Variants in PXDNL observed in about 807,000 individuals in gnomAD.
PXDNL encodes probable oxidoreductase PXDNL.
In PXDNL, 145 loss-of-function variants were observed where a neutral mutation model predicts 150.8. The ratio of observed to expected loss-of-function variants is 0.96; its 90% CI spans 0.84 to 1.10. PXDNL has a LOEUF of 1.10. PXDNL is among the 50% of genes least tolerant of loss of function. The pLI, the probability that PXDNL is intolerant of heterozygous loss-of-function variation, is 0.00. For synonymous variants in PXDNL, 757 were observed against 725.7 expected (o/e 1.04, Z -0.69); for missense variants, 2,087 against 1,873.9 (o/e 1.11, Z -2.10).
intron 21 of PXDNL, among the ~76,000 whole-genome samples, chr8:51,326,284 G>A (rs913296584): frequency 6.6e-6 from 1 of 152,160 alleles, no homozygotes; most frequent in Non-Finnish European, 1.5e-5. Flanking sequence ...GATCACTTGA[G>A]GTCAGGATTT....
intron 12 of PXDNL, among the ~76,000 whole-genome samples, chr8:51,434,370 A>C (rs1156576035): frequency 6.6e-6 from 1 of 152,174 alleles, no homozygotes; most frequent in South Asian, 2.1e-4. Context: ...TTTAAATGAC[A>C]TGTCCTGGTA....
chr8:51,705,252 T>C (rs16916749), intron 1 of PXDNL, among the ~76,000 whole-genome samples: 3,658 of 152,294 alleles, frequency 0.024, 148 homozygotes, highest in African/African-American at 0.083. Flanking sequence ...CACTTCTCTA[T>C]GTCCGGGCTC....
intron 20 of PXDNL, among the ~76,000 whole-genome samples, chr8:51,344,296 CT>C (rs775859853): frequency 4.7e-4 from 71 of 150,670 alleles, no homozygotes; most frequent in Non-Finnish European, 8.4e-4. Flanking sequence ...AAAAAAAAAA[CT>C]TTTTTAGAGA....
chr8:51,423,671 T>G lies in PXDNL; in HGVS notation c.1699A>C (p.Ile567Leu). The change falls in exon 14 of 23, where the codon ATC becomes CTC. Residue 567 changes from isoleucine to leucine, a missense_variant. Transcript: ENST00000356297. The part of the protein sequence containing the change: ...FHVDDEGTLT[I>L]YDAGFPDQGR... ...TGGTCAGGGAACCCTGCGTCGTAGA[T>G]AGTCAGCGTGCCTTCATCATCCACA... 1 of 1,613,896 alleles carries G rather than the reference T, an allele frequency of 6.2e-7. No homozygotes were observed. The highest frequency in any genetic ancestry group is 8.5e-7 in the Non-Finnish European group (1 of 1,179,818).
Position 51,396,320 on chromosome 8 carries a change from G to C in PXDNL, c.3557+11747C>G, listed in dbSNP as rs192904748. Among the ~76,000 whole-genome samples, 10 of 152,348 alleles carry C rather than the reference G, an allele frequency of 6.6e-5. No individual in the cohort carries two copies. The South Asian group carries it at 1.2e-3, about 19-fold the overall frequency. On this transcript the variant is annotated intron_variant, in intron 17 of 22. Coordinates refer to ENST00000356297, the MANE Select transcript of PXDNL (RefSeq NM_144651.5). ...GGAACCATATGTGCTGCTGGATGGG[G>C]TAGTGCAGCACAGGGACGTGGGAAG...
chr8:51,323,784 T>A (rs1805396091), intron 21 of PXDNL, among the ~76,000 whole-genome samples: 1 of 151,528 alleles, frequency 6.6e-6, no homozygotes, highest in Non-Finnish European at 1.5e-5. Context: ...GGCGTAGTGG[T>A]GGGTGCCTGT....
chr8:51,633,652 AAAG>A (rs757965822), intron 2 of PXDNL, among the ~76,000 whole-genome samples: 4 of 152,052 alleles, frequency 2.6e-5, no homozygotes, highest in South Asian at 2.1e-4. Context: ...CCATCTCTAA[AAAG>A]AAGAAGAAGA....
At chr8:51,527,076 T>A (rs1458775451) in intron 4 of PXDNL, among the ~76,000 whole-genome samples, 4 of 152,240 alleles carry the variant, frequency 2.6e-5, no homozygotes, top group African/African-American at 9.6e-5. Flanking sequence ...GACTCATTTT[T>A]AAAAAGCTTT....
intron 1 of PXDNL, among the ~76,000 whole-genome samples, chr8:51,690,453 A>G (rs1411237603): frequency 2.6e-5 from 4 of 152,084 alleles, no homozygotes; most frequent in African/African-American, 9.7e-5. Context: ...GTTTACTGAG[A>G]ATGATGATTT....
At chr8:51,731,270 C>T (rs1816920263) in intron 1 of PXDNL, among the ~76,000 whole-genome samples, 1 of 152,140 alleles carries the variant, frequency 6.6e-6, no homozygotes, top group South Asian at 2.1e-4. Flanking sequence ...TTGGCCAAAA[C>T]AAAGGTGTTA....
chr8:51,465,803 C>T (rs930075088), intron 8 of PXDNL, among the ~76,000 whole-genome samples: 3 of 151,782 alleles, frequency 2.0e-5, no homozygotes, highest in African/African-American at 7.3e-5. Context: ...TTACAATAGC[C>T]ACAAAAAGAA....
At chr8:51,517,987 G>T (rs1326078408) in intron 4 of PXDNL, among the ~76,000 whole-genome samples, 1 of 152,158 alleles carries the variant, frequency 6.6e-6, no homozygotes, top group Non-Finnish European at 1.5e-5. Flanking sequence ...GGTGTAGTTA[G>T]TTCCTTAATT....
intron 3 of PXDNL, among the ~76,000 whole-genome samples, chr8:51,568,141 C>A (rs568853213): frequency 6.6e-6 from 1 of 151,294 alleles, no homozygotes; most frequent in African/African-American, 2.4e-5. Flanking sequence ...AATTTTTATC[C>A]GTTATATCAA....
chr8:51,540,874 T>C (rs999608893), intron 4 of PXDNL, among the ~76,000 whole-genome samples: 1 of 152,222 alleles, frequency 6.6e-6, no homozygotes, highest in Non-Finnish European at 1.5e-5. Flanking sequence ...AACTCTTGTA[T>C]GATGTGCTTG....
At chr8:51,597,805 C>A (rs1382411713) in intron 2 of PXDNL, among the ~76,000 whole-genome samples, 2 of 151,792 alleles carry the variant, frequency 1.3e-5, no homozygotes, top group Non-Finnish European at 2.9e-5. Context: ...ACCTCCGCCT[C>A]CTGGGTTCAA....
intron 4 of PXDNL, among the ~76,000 whole-genome samples, chr8:51,553,469 TA>T (rs2130531042): frequency 6.6e-6 from 1 of 152,312 alleles, no homozygotes; most frequent in Non-Finnish European, 1.5e-5. Flanking sequence ...TCTGCAGAAT[TA>T]ATACCAAACT....
chr8:51,477,357 C>T (rs1179645225), intron 6 of PXDNL, among the ~76,000 whole-genome samples: 1 of 152,174 alleles, frequency 6.6e-6, no homozygotes, highest in Non-Finnish European at 1.5e-5. Flanking sequence ...AGACTTCACA[C>T]TAACGTGAGA....
At chr8:51,599,700 C>T (rs549075136) in intron 2 of PXDNL, among the ~76,000 whole-genome samples, 1 of 122,094 alleles carries the variant, frequency 8.2e-6, no homozygotes, top group Non-Finnish European at 1.8e-5. Flanking sequence ...TAAATTATAT[C>T]TTATATAAAT....
At chr8:51,490,926 T>C (rs1810878158) in intron 5 of PXDNL, among the ~76,000 whole-genome samples, 1 of 152,082 alleles carries the variant, frequency 6.6e-6, no homozygotes, top group Admixed American at 6.6e-5. Flanking sequence ...TATTGATCCT[T>C]GGTGTGCTTG....
Sources: allele counts gnomAD v4.1 joint callset (sites outside exome capture counted in the v4.1 genomes callset), GRCh38; gene constraint gnomAD v4.1.1; transcripts MANE v1.5; gene names NCBI Gene and HGNC (gene_info 2026-07-23, HGNC 2026-07-21).